DOCK9: variants seen among roughly 807,000 people sequenced by gnomAD.
DOCK9 encodes dedicator of cytokinesis 9.
Under a neutral mutation model 263.3 loss-of-function variants are expected in DOCK9, and 89 were observed. That is an observed-to-expected ratio of 0.34 (90% CI 0.28 to 0.40). DOCK9 has a LOEUF of 0.40. DOCK9 is among the 10% of genes least tolerant of loss of function. DOCK9 has a pLI of 1.00. For synonymous variants in DOCK9, 976 were observed against 973.1 expected, an observed-to-expected ratio of 1.00 and a Z score of -0.06; for missense variants, 2,140 against 2,603.4, an observed-to-expected ratio of 0.82 and a Z score of 3.87.
intron 1 of DOCK9, among the ~76,000 whole-genome samples, chr13:99,031,747 A>G (rs1358949333): frequency 6.6e-6 from 1 of 152,240 alleles, no homozygotes; most frequent in Non-Finnish European, 1.5e-5. Context: ...CACATAGCCA[A>G]TGTAAAGCTT....
At chr13:98,846,167 G>T in intron 37 of DOCK9, 107 bp from the exon 38 acceptor site, 4 of 1,321,286 alleles carry the variant, frequency 3.0e-6, no homozygotes, top group African/African-American at 1.4e-5. Flanking sequence ...AGATGGCCAT[G>T]CACTGACTGA....
At chr13:98,883,164 G>A in intron 22 of DOCK9, 33 bp from the exon 23 acceptor site, 2 of 1,550,278 alleles carry the variant, frequency 1.3e-6, no homozygotes, top group Non-Finnish European at 1.8e-6. Context: ...GAAGAAGAAA[G>A]TCTATTAGAA....
At chr13:98,831,975 T>C (rs1430741398) in intron 39 of DOCK9, 189 bp from the exon 40 acceptor site, 5 of 672,132 alleles carry the variant, frequency 7.4e-6, no homozygotes, top group African/African-American at 1.8e-5. Context: ...AATACATTTA[T>C]GTTTTGGGGA....
chr13:98,942,235 G>GA (rs2056016961), intron 2 of DOCK9, among the ~76,000 whole-genome samples: 1 of 99,388 alleles, frequency 1.0e-5, no homozygotes, highest in Non-Finnish European at 2.3e-5. Context: ...TTTTTTTGTT[G>GA]TTTTTTTTTT....
At chr13:98,915,550 C>T (rs1335912443) in intron 7 of DOCK9, 47 bp from the exon 8 acceptor site, 2 of 1,533,472 alleles carry the variant, frequency 1.3e-6, no homozygotes, top group East Asian at 2.3e-5. Flanking sequence ...AGAATTAGAA[C>T]TGCTTTAAAA....
At chr13:99,035,754 T>C (rs978578951) in intron 1 of DOCK9, among the ~76,000 whole-genome samples, 1 of 152,234 alleles carries the variant, frequency 6.6e-6, no homozygotes, top group Non-Finnish European at 1.5e-5. Context: ...CTTTCTTTTA[T>C]GTGTCAACTT....
rs1482182200 is a variant in DOCK9 at position 98,886,609 on chromosome 13, G to A, written c.2059C>T (p.Pro687Ser). ...CTTCTTGTGAAAACTGGCCCACCAG[G>A]TCTGCCATAAATGCACTAAAATAAG... Reference protein sequence around the residue: ...SQPLKCIYGRPGGPVFTRSAF... With the variant: ...SQPLKCIYGRSGGPVFTRSAF... The change falls in exon 19 of 53, where the codon CCT becomes TCT. Residue 687 changes from proline to serine, a missense_variant. Physicochemically the swap from Pro to Ser is moderately conservative, Grantham distance 74. Around this residue, in one of 2 missense-constraint regions of DOCK9, gnomAD observed 1,521 missense variants for 1,741.7 expected, o/e 0.87. Transcript: ENST00000682017. The A allele has an allele frequency of 6.2e-7, 1 of 1,613,848 alleles. No homozygotes were observed. Among genetic ancestry groups the A allele is most frequent in the Admixed American group, 1.7e-5 (1 of 60,022 alleles).
At chr13:98,913,484 G>T (rs2050394427) in intron 9 of DOCK9, among the ~76,000 whole-genome samples, 1 of 151,348 alleles carries the variant, frequency 6.6e-6, no homozygotes, top group Admixed American at 6.6e-5. Flanking sequence ...AAATAAAAGG[G>T]GTAAATTTAA....
intron 49 of DOCK9, among the ~76,000 whole-genome samples, chr13:98,803,377 C>G (rs2090338029): frequency 6.6e-6 from 1 of 152,214 alleles, no homozygotes; most frequent in Non-Finnish European, 1.5e-5. Flanking sequence ...AAAATCCTGA[C>G]CCTGACTCAG....
At chr13:99,065,597 A>G (rs1178104736) in intron 1 of DOCK9, among the ~76,000 whole-genome samples, 1 of 152,084 alleles carries the variant, frequency 6.6e-6, no homozygotes, top group East Asian at 1.9e-4. Context: ...TTCCTTCCTC[A>G]AGGCCTGTGC....
intron 9 of DOCK9, among the ~76,000 whole-genome samples, chr13:98,911,291 A>C (rs1422642312): frequency 6.6e-6 from 1 of 152,230 alleles, no homozygotes; most frequent in African/African-American, 2.4e-5. Flanking sequence ...TCAGGTTTTG[A>C]CCATGACTCC....
At chr13:99,088,012 A>C (rs566598366), upstream of DOCK9, 1 of 152,258 alleles carries the variant, frequency 6.6e-6, no homozygotes, top group Non-Finnish European at 1.5e-5. Context: ...CTGAAGCGTA[A>C]TCTTAAAGTG....
intron 1 of DOCK9, among the ~76,000 whole-genome samples, chr13:99,029,989 C>CAA (rs1280143633): frequency 3.1e-4 from 47 of 152,330 alleles, no homozygotes; most frequent in Non-Finnish European, 1.0e-4. Flanking sequence ...ATACATGCTA[C>CAA]AAGCACAGAT....
At chr13:98,878,918 C>CT (rs1477684760) in intron 27 of DOCK9, among the ~76,000 whole-genome samples, 1 of 152,176 alleles carries the variant, frequency 6.6e-6, no homozygotes, top group African/African-American at 2.4e-5. Flanking sequence ...TCCCTATCCC[C>CT]TCTCCTGCCT....
At chr13:98,842,678 C>A (rs2093264297) in intron 38 of DOCK9, among the ~76,000 whole-genome samples, 2 of 152,168 alleles carry the variant, frequency 1.3e-5, no homozygotes, top group Admixed American at 1.3e-4. Flanking sequence ...TGTTCATGTA[C>A]CTACAGTGTA....
At chr13:98,902,929 G>C (rs2048511159) in intron 11 of DOCK9, 43 bp downstream of exon 11, 2 of 1,369,402 alleles carry the variant, frequency 1.5e-6, no homozygotes, top group Admixed American at 3.6e-5. Context: ...TGAAACCTCT[G>C]CCTATTTTTT....
chr13:98,827,542 G>A (rs1205602365), intron 43 of DOCK9, among the ~76,000 whole-genome samples: 1 of 152,232 alleles, frequency 6.6e-6, no homozygotes, highest in Non-Finnish European at 1.5e-5. Context: ...GCGCCACCAC[G>A]TGGTGCCCTC....
intron 1 of DOCK9, among the ~76,000 whole-genome samples, chr13:99,024,669 C>A (rs189429747): frequency 6.6e-6 from 1 of 151,970 alleles, no homozygotes; most frequent in Non-Finnish European, 1.5e-5. Flanking sequence ...TCCTTGAGGG[C>A]GAAGAGGAAA....
At chr13:98,846,416 A>C (rs1211730522) in intron 37 of DOCK9, 17 of 979,974 alleles carry the variant, frequency 1.7e-5, no homozygotes, top group Non-Finnish European at 2.3e-5. Flanking sequence ...GTTCTGAAAA[A>C]GCAAAAGACA....
Sources: allele counts gnomAD v4.1 joint callset (sites outside exome capture counted in the v4.1 genomes callset), GRCh38; gene constraint gnomAD v4.1.1; regional missense constraint gnomAD v4.1.1; transcripts MANE v1.5; gene names NCBI Gene and HGNC (gene_info 2026-07-23, HGNC 2026-07-21).